Variants in ASB3 observed in about 807,000 individuals in gnomAD.
ASB3 encodes the protein ankyrin repeat and SOCS box protein 3.
ASB3 carries 41 observed loss-of-function variants against 54.5 expected under a neutral mutation model. The ratio of observed to expected loss-of-function variants is 0.75; its 90% confidence interval spans 0.59 to 0.98. ASB3 has a LOEUF of 0.98. ASB3 is among the 50% of genes least tolerant of loss of function. ASB3 has a pLI of 0.00. For missense variants in ASB3, 733 were observed against 620.0 expected (o/e 1.18, Z -1.94); for synonymous variants, 266 against 221.2 (o/e 1.20, Z -1.80).
chr2:53,743,164 C>CTTT (rs60857484), intron 3 of ASB3, among the ~76,000 whole-genome samples: 1 of 117,860 alleles, frequency 8.5e-6, no homozygotes, highest in Non-Finnish European at 1.8e-5. Context: ...ATTTTTTTAC[C>CTTT]TTTTTTTTTT....
chr2:53,675,757 A>G (rs1034177812), intron 9 of ASB3, among the ~76,000 whole-genome samples: 4 of 152,248 alleles, frequency 2.6e-5, no homozygotes, highest in Non-Finnish European at 4.4e-5. Flanking sequence ...TGTTTTAAGT[A>G]TGTCAATGAA....
intron 1 of ASB3, among the ~76,000 whole-genome samples, chr2:53,782,151 C>T (rs749123309): frequency 2.0e-5 from 3 of 151,988 alleles, no homozygotes; most frequent in African/African-American, 7.3e-5. Flanking sequence ...CACTCTAGCC[C>T]GGGTGACAAA....
At chr2:53,732,394 A>T (rs1671370722) in intron 3 of ASB3, among the ~76,000 whole-genome samples, 1 of 152,246 alleles carries the variant, frequency 6.6e-6, no homozygotes, top group Non-Finnish European at 1.5e-5. Flanking sequence ...AAGGAAAAAA[A>T]TCTGTTTCAT....
chr2:53,768,091 C>T (rs1427505393), intron 1 of ASB3: 2 of 1,564,230 alleles, frequency 1.3e-6, no homozygotes, highest in Non-Finnish European at 1.7e-6. Context: ...CACACAGCAC[C>T]CACACCCTAG....
chr2:53,707,787 C>A (rs868327356), intron 7 of ASB3, among the ~76,000 whole-genome samples: 1 of 151,606 alleles, frequency 6.6e-6, no homozygotes, highest in African/African-American at 2.4e-5. Context: ...CATGGTGAAA[C>A]CCCATCTCTA....
intron 1 of ASB3, among the ~76,000 whole-genome samples, chr2:53,775,629 C>A (rs1338355971): frequency 6.6e-6 from 1 of 152,212 alleles, no homozygotes; most frequent in Non-Finnish European, 1.5e-5. Flanking sequence ...GCATGTGCCA[C>A]CACGCCCGGC....
At chr2:53,700,163 G>C (rs112496917) in intron 8 of ASB3, 108 bp downstream of exon 8, 2 of 1,501,846 alleles carry the variant, frequency 1.3e-6, no homozygotes, top group African/African-American at 1.4e-5. Context: ...AGCCATCACA[G>C]TCAAAACACA....
At chr2:53,741,781 CA>C (rs1671946863) in intron 3 of ASB3, among the ~76,000 whole-genome samples, 1 of 151,916 alleles carries the variant, frequency 6.6e-6, no homozygotes, top group African/African-American at 2.4e-5. Context: ...AGAAATCATC[CA>C]AAAGCAATTA....
chr2:53,735,231 T>C (rs1671556013), intron 3 of ASB3, among the ~76,000 whole-genome samples: 1 of 152,120 alleles, frequency 6.6e-6, no homozygotes, highest in Non-Finnish European at 1.5e-5. Flanking sequence ...ATACATGTTC[T>C]CTATTAGTGA....
chr2:53,768,609 C>G (rs1480086750), intron 1 of ASB3, among the ~76,000 whole-genome samples: 1 of 152,138 alleles, frequency 6.6e-6, no homozygotes, highest in Non-Finnish European at 1.5e-5. Context: ...GTTTTCAGTA[C>G]TAGTGAAGTT....
At chr2:53,693,656 C>T (rs1669033013) in intron 9 of ASB3, among the ~76,000 whole-genome samples, 1 of 152,020 alleles carries the variant, frequency 6.6e-6, no homozygotes, top group African/African-American at 2.4e-5. Context: ...TAAACATCTG[C>T]TTTTCTTTAT....
At chr2:53,693,177 T>C (rs1669005561) in intron 9 of ASB3, among the ~76,000 whole-genome samples, 1 of 152,160 alleles carries the variant, frequency 6.6e-6, no homozygotes, top group Non-Finnish European at 1.5e-5. Context: ...GTTAACAAAA[T>C]ATAGTCAAAG....
chr2:53,729,635 TG>T, intron 3 of ASB3, 65 bp from the exon 4 acceptor site: 2 of 1,405,316 alleles, frequency 1.4e-6, no homozygotes, highest in Non-Finnish European at 2.0e-6. Flanking sequence ...CTGGACACTT[TG>T]GTGATGTTCT....
At chr2:53,755,409 A>T (rs1184846531) in intron 2 of ASB3, among the ~76,000 whole-genome samples, 1 of 152,240 alleles carries the variant, frequency 6.6e-6, no homozygotes, top group African/African-American at 2.4e-5. Context: ...GTTTTCTGCA[A>T]ACTCTAACAG....
chr2:53,743,130 T>A (rs899508468), intron 3 of ASB3, among the ~76,000 whole-genome samples: 1 of 151,782 alleles, frequency 6.6e-6, no homozygotes, highest in Non-Finnish European at 1.5e-5. Context: ...CAAGTTTGAA[T>A]CATTATTCAA....
In ASB3 at chr2:53,677,778, C is replaced by G. The variant is rs114743662; in HGVS notation, c.1370-7088G>C. Among the ~76,000 whole-genome samples, 116 of 152,244 alleles carry G rather than the reference C, an allele frequency of 7.6e-4. 1 individual carries two copies. The highest frequency in any genetic ancestry group is 2.7e-3 in the African/African-American group (112 of 41,552). ...TTAAAACATTGAGAAAAAAAAATCA[C>G]AGGGTTTGCCCTCATGTTCCGAATG... On this transcript the variant is annotated intron_variant, in intron 9 of 9. Coordinates refer to ENST00000263634, the MANE Select transcript of ASB3 (RefSeq NM_016115.5).
chr2:53,771,561 T>G (rs1391570549), intron 1 of ASB3, among the ~76,000 whole-genome samples: 1 of 152,166 alleles, frequency 6.6e-6, no homozygotes, highest in Non-Finnish European at 1.5e-5. Context: ...CTTTTTTCCT[T>G]AAGGGAAAAA....
chr2:53,706,645 G>C (rs1192021919), intron 7 of ASB3, among the ~76,000 whole-genome samples: 1 of 151,946 alleles, frequency 6.6e-6, no homozygotes, highest in Non-Finnish European at 1.5e-5. Context: ...CGGGGTTTCA[G>C]CATGTTAGCC....
chr2:53,714,445 C>A lies in ASB3; in HGVS notation c.919G>T (p.Asp307Tyr). The A allele has an allele frequency of 6.2e-7, 1 of 1,614,256 alleles. No homozygotes were observed. Among genetic ancestry groups the A allele is most frequent in the African/African-American group, 1.3e-5 (1 of 75,080 alleles). Residue 307 changes from aspartate (D) to tyrosine (Y), a missense_variant, in exon 7 of 10, where the codon GAC becomes TAC. Physicochemically the swap from Asp to Tyr is radical, Grantham distance 160. Coordinates refer to ENST00000263634, the MANE Select transcript of ASB3 (RefSeq NM_016115.5). ...CCAAAAACAAGGCACGCCTGGGCGTCTGGGCTGTAGCCATTCCGGAGTAAT... is the reference window on the plus strand; with the variant it reads ...CCAAAAACAAGGCACGCCTGGGCGTATGGGCTGTAGCCATTCCGGAGTAAT... ...EILLRNGYSP[D>Y]AQACLVFGFS...
Sources: gnomAD v4.1 joint callset for allele counts (sites outside exome capture counted in the v4.1 genomes callset) on GRCh38, gnomAD v4.1.1 for gene constraint, MANE v1.5 for transcripts, NCBI Gene and HGNC (gene_info 2026-07-23, HGNC 2026-07-21) for gene names.